Variants in KCTD8 observed in about 807,000 individuals in gnomAD.
The protein encoded by KCTD8 is BTB/POZ domain-containing protein KCTD8.
Under a neutral mutation model 31.5 loss-of-function variants are expected in KCTD8, and 27 were observed. The observed-to-expected ratio is 0.86, with a 90% CI of 0.63 to 1.18. The LOEUF (loss-of-function observed/expected upper bound fraction) is 1.18, where lower values mean the gene tolerates loss of function less well. Among genes scored for constraint, KCTD8 ranks in the 50% most tolerant of loss-of-function variants. The pLI is 0.00. For synonymous variants in KCTD8, 290 were observed against 280.0 expected, an observed-to-expected ratio of 1.04 and a Z score of -0.36; for missense variants, 658 against 647.7, an observed-to-expected ratio of 1.02 and a Z score of -0.17.
chr4:44,194,770 ACCCTCCCCCCTT>A (rs1713882477), intron 1 of KCTD8, among the ~76,000 whole-genome samples: 1 of 7,908 alleles, frequency 1.3e-4, no homozygotes, highest in Admixed American at 1.4e-3. Context: ...CCTCCCTCCC[ACCCTCCCCCCTT>A]CCCTCCCTCC....
intron 1 of KCTD8, among the ~76,000 whole-genome samples, chr4:44,231,855 C>G (rs1426743731): frequency 1.3e-5 from 2 of 152,036 alleles, no homozygotes; most frequent in East Asian, 3.9e-4. Context: ...AGGCTTTTAT[C>G]AGTTCAGGTT....
intron 1 of KCTD8, among the ~76,000 whole-genome samples, chr4:44,413,619 G>A (rs544998902): frequency 3.2e-4 from 49 of 152,196 alleles, no homozygotes; most frequent in African/African-American, 1.2e-3. Context: ...TCCAATTGTT[G>A]TATTGTTAAA....
chr4:44,443,594 A>G (rs1721865042), intron 1 of KCTD8, among the ~76,000 whole-genome samples: 1 of 147,686 alleles, frequency 6.8e-6, no homozygotes, highest in South Asian at 2.1e-4. Context: ...TCATGTATCA[A>G]ACAAACAAAC....
chr4:44,279,887 A>G (rs1330049762), intron 1 of KCTD8, among the ~76,000 whole-genome samples: 3 of 152,126 alleles, frequency 2.0e-5, no homozygotes, highest in African/African-American at 7.2e-5. Context: ...CTAAGATGAA[A>G]TGCAACTTTT....
chr4:44,376,839 A>T (rs1289937252), intron 1 of KCTD8, among the ~76,000 whole-genome samples: 1 of 152,168 alleles, frequency 6.6e-6, no homozygotes, highest in East Asian at 1.9e-4. Context: ...ATTGAAAAGG[A>T]GAGAAGGGCC....
intron 1 of KCTD8, among the ~76,000 whole-genome samples, chr4:44,376,290 T>C (rs531188292): frequency 4.5e-4 from 69 of 152,156 alleles, no homozygotes; most frequent in East Asian, 4.1e-3. Context: ...CATTTAGGAG[T>C]GCATGGGGTG....
chr4:44,316,592 G>A (rs774468325), intron 1 of KCTD8, among the ~76,000 whole-genome samples: 7 of 151,670 alleles, frequency 4.6e-5, no homozygotes, highest in Non-Finnish European at 1.0e-4. Flanking sequence ...AATATCAATC[G>A]CAATTTCTAT....
intron 1 of KCTD8, among the ~76,000 whole-genome samples, chr4:44,319,163 TAGAG>T (rs1718220574): frequency 6.6e-6 from 1 of 152,154 alleles, no homozygotes; most frequent in African/African-American, 2.4e-5. Context: ...TAATGGAAGA[TAGAG>T]AGAACTTGGA....
chr4:44,235,910 C>A (rs1354306498), intron 1 of KCTD8, among the ~76,000 whole-genome samples: 1 of 151,884 alleles, frequency 6.6e-6, no homozygotes, highest in African/African-American at 2.4e-5. Context: ...ACTCAAAGTT[C>A]TTGATTGAGT....
At chr4:44,398,943 C>A (rs1354671251) in intron 1 of KCTD8, among the ~76,000 whole-genome samples, 1 of 152,128 alleles carries the variant, frequency 6.6e-6, no homozygotes, top group East Asian at 1.9e-4. Flanking sequence ...TGGAGTACAT[C>A]ATTTTAAAGG....
intron 1 of KCTD8, among the ~76,000 whole-genome samples, chr4:44,218,063 C>G (rs957668043): frequency 2.0e-5 from 3 of 150,212 alleles, no homozygotes; most frequent in African/African-American, 4.9e-5. Flanking sequence ...CAAAGACCTA[C>G]TATTTGATAG....
chr4:44,298,034 ATCTC>A (rs1360012802), intron 1 of KCTD8, among the ~76,000 whole-genome samples: 1 of 152,188 alleles, frequency 6.6e-6, no homozygotes, highest in Non-Finnish European at 1.5e-5. Context: ...TACCTTAGTT[ATCTC>A]TCTGTCGCTC....
At chr4:44,240,575 C>A (rs911075480) in intron 1 of KCTD8, among the ~76,000 whole-genome samples, 1 of 152,130 alleles carries the variant, frequency 6.6e-6, no homozygotes, top group African/African-American at 2.4e-5. Flanking sequence ...CTGGGCTCAA[C>A]GAATTCTCCC....
chr4:44,251,179 C>T (rs1715820535), intron 1 of KCTD8, among the ~76,000 whole-genome samples: 1 of 151,532 alleles, frequency 6.6e-6, no homozygotes. Context: ...TTTTCATTTC[C>T]ACTGAGATAT....
chr4:44,360,083 G>GTAGA (rs1719457766), intron 1 of KCTD8, among the ~76,000 whole-genome samples: 1 of 152,022 alleles, frequency 6.6e-6, no homozygotes, highest in African/African-American at 2.4e-5. Context: ...AATTTATTCA[G>GTAGA]TAGATAGAAG....
In KCTD8 at chr4:44,276,399, C is replaced by T. The variant is rs1364563822; in HGVS notation, c.962-101149G>A. ...GAGAATTCTAAGTTATATAGTTGGC[C>T]TCTTATTCGTTTGGATGCAGCTATA... is the stretch of plus-strand genomic sequence containing the variant. On this transcript the variant is annotated intron_variant, in intron 1 of 1. Transcript: ENST00000360029. Among the ~76,000 whole-genome samples the T allele has an allele frequency of 2.0e-5, 3 of 151,598 alleles. 1 individual carries two copies. The Admixed American group carries it at 2.0e-4, about 10-fold the overall frequency.
chr4:44,285,653 CTTAG>C (rs1202305920), intron 1 of KCTD8, among the ~76,000 whole-genome samples: 1 of 152,026 alleles, frequency 6.6e-6, no homozygotes, highest in Non-Finnish European at 1.5e-5. Flanking sequence ...TGACATTGCA[CTTAG>C]TTACTCAAGA....
chr4:44,306,105 C>T (rs1195466520), intron 1 of KCTD8, among the ~76,000 whole-genome samples: 1 of 151,740 alleles, frequency 6.6e-6, no homozygotes, highest in Non-Finnish European at 1.5e-5. Flanking sequence ...GCTAAGTATT[C>T]AACTTAGGTA....
chr4:44,427,294 C>T (rs1342702178), intron 1 of KCTD8, among the ~76,000 whole-genome samples: 5 of 151,070 alleles, frequency 3.3e-5, no homozygotes, highest in Non-Finnish European at 5.9e-5. Context: ...ATATAAAATA[C>T]CGAATTTCAG....
Sources: gnomAD v4.1 joint callset for allele counts (sites outside exome capture counted in the v4.1 genomes callset) on GRCh38, gnomAD v4.1.1 for gene constraint, MANE v1.5 for transcripts, NCBI Gene and HGNC (gene_info 2026-07-23, HGNC 2026-07-21) for gene names.